The following CEP112 variants were observed in gnomAD, a reference collection of about 807,000 sequenced individuals.
CEP112 encodes the protein centrosomal protein of 112 kDa.
In CEP112, 127 loss-of-function variants were observed where a neutral mutation model predicts 153.0. That is an observed-to-expected ratio of 0.83 (90% CI 0.72 to 0.96). The LOEUF (loss-of-function observed/expected upper bound fraction) is 0.96, where lower values mean the gene tolerates loss of function less well. Ranked by LOEUF, CEP112 falls within the 40% of genes least tolerant of loss-of-function variation. The pLI is 0.00. For missense variants in CEP112, 1,089 were observed against 1,101.2 expected (o/e 0.99, Z 0.16); for synonymous variants, 358 against 374.4 (o/e 0.96, Z 0.51).
rs1287529976 is a variant in CEP112 at position 66,177,017 on chromosome 17, C to T, written c.110G>A (p.Arg37Gln). 10 of 1,594,820 alleles carry T rather than the reference C, an allele frequency of 6.3e-6. No homozygotes were observed. Among genetic ancestry groups the T allele is most frequent in the African/African-American group, 4.1e-5 (3 of 73,748 alleles). Residue 37 changes from arginine (R) to glutamine (Q), a missense_variant, in exon 3 of 27, where the codon CGG (arginine) becomes CAG (glutamine). Physicochemically the swap from Arg to Gln is conservative, Grantham distance 43. Transcript: ENST00000535342. ...TCTAATCCAAAGAGCACACCTCTGC[C>T]GTTCTATAAATACAGAAGAACTATT... is the stretch of plus-strand genomic sequence containing the variant. Reference protein sequence around the residue: ...FVLKLPHRTERQRCALWIRKL... With the variant: ...FVLKLPHRTEQQRCALWIRKL...
chr17:65,638,312 T>C (rs970091989), intron 25 of CEP112, among the ~76,000 whole-genome samples: 3 of 152,240 alleles, frequency 2.0e-5, no homozygotes, highest in African/African-American at 7.2e-5. Flanking sequence ...CCCAAATGGT[T>C]TGGGGCCAAC....
At chr17:66,138,728 A>C (rs895865496) in intron 4 of CEP112, among the ~76,000 whole-genome samples, 3 of 152,172 alleles carry the variant, frequency 2.0e-5, no homozygotes, top group African/African-American at 7.2e-5. Context: ...AATCAAAGCA[A>C]ACCACAGTAA....
intron 23 of CEP112, among the ~76,000 whole-genome samples, chr17:65,730,935 C>T (rs1047140311): frequency 6.6e-6 from 1 of 152,046 alleles, no homozygotes; most frequent in Non-Finnish European, 1.5e-5. Flanking sequence ...AACATTTCTT[C>T]TTGACATGAA....
chr17:65,775,734 C>T (rs1245420120), intron 21 of CEP112, among the ~76,000 whole-genome samples: 1 of 152,078 alleles, frequency 6.6e-6, no homozygotes, highest in Admixed American at 6.5e-5. Flanking sequence ...AACCCCTGAC[C>T]TCAAGTGATT....
intron 21 of CEP112, among the ~76,000 whole-genome samples, chr17:65,796,238 G>A (rs535909307): frequency 6.6e-6 from 1 of 152,090 alleles, no homozygotes; most frequent in Non-Finnish European, 1.5e-5. Flanking sequence ...CAGTTATGTA[G>A]ATATGTTTGT....
chr17:65,837,551 G>A (rs928803310), intron 21 of CEP112, among the ~76,000 whole-genome samples: 49 of 152,280 alleles, frequency 3.2e-4, no homozygotes, highest in Middle Eastern at 3.4e-3. Context: ...GAGAAGTGAG[G>A]AGCCCCTCTG....
At chr17:66,149,761 A>C (rs2071084804) in intron 4 of CEP112, among the ~76,000 whole-genome samples, 1 of 146,390 alleles carries the variant, frequency 6.8e-6, no homozygotes, top group South Asian at 2.2e-4. Context: ...CCCAACTCTT[A>C]GTTTCATTTT....
rs71160535 is a variant in CEP112, at chr17:66,149,888, G to GTTTTTTTTTTTTTTTTTTTTTTTT, written c.471-17126_471-17125insAAAAAAAAAAAAAAAAAAAAAAAA. 9.5e-4 allele frequency among the ~76,000 whole-genome samples: 52 copies of GTTTTTTTTTTTTTTTTTTTTTTTT among 54,720 alleles called. 2 individuals are homozygous for GTTTTTTTTTTTTTTTTTTTTTTTT. Among genetic ancestry groups the GTTTTTTTTTTTTTTTTTTTTTTTT allele is most frequent in the Non-Finnish European group, 1.3e-3 (43 of 32,738 alleles). 35.9% of individuals were successfully genotyped at this position (54,720 alleles called of 152,430 possible). A position where few individuals can be genotyped will look rare whatever the true frequency, so the allele number is the denominator to read the frequency against. Reference sequence around the variant, plus strand: ...TTAGGGTTTTTTTTTTTGTTTGTTTGTTTTTTTTTTTTTTTTTTTTTGAGA... The same window carrying GTTTTTTTTTTTTTTTTTTTTTTTT: ...TTAGGGTTTTTTTTTTTGTTTGTTTGTTTTTTTTTTTTTTTTTTTTTTTTTTTTTTTTTTTTTTTTTTTTTGAGA... On this transcript the variant is annotated intron_variant, in intron 4 of 26. Transcript: ENST00000535342.
intron 21 of CEP112, among the ~76,000 whole-genome samples, chr17:65,844,926 T>A (rs2057669649): frequency 1.3e-5 from 2 of 151,434 alleles, no homozygotes; most frequent in African/African-American, 2.4e-5. Flanking sequence ...AGGAGGGGAA[T>A]CGCTTGAACC....
In CEP112 at chr17:65,776,359, C is replaced by A. The variant is rs143976426; in HGVS notation, c.2395-25635G>T. On this transcript the variant is annotated intron_variant, in intron 21 of 26. Coordinates refer to ENST00000535342, the MANE Select transcript of CEP112 (RefSeq NM_001199165.4). ...ACACCATTCTCCTGCCTCAGCCTCC[C>A]GAGTATCTGGGACTACAGGTGCCTG... Among the ~76,000 whole-genome samples the A allele has an allele frequency of 2.9e-3, 434 of 152,276 alleles. 1 individual carries two copies. Among genetic ancestry groups the A allele is most frequent in the Non-Finnish European group, 5.0e-3 (341 of 68,008 alleles).
At chr17:65,749,871 A>T (rs1376803482) in intron 22 of CEP112, among the ~76,000 whole-genome samples, 3 of 147,390 alleles carry the variant, frequency 2.0e-5, no homozygotes, top group Admixed American at 6.7e-5. Flanking sequence ...TATATATATA[A>T]AAATATGAAG....
chr17:65,975,007 A>G (rs1435850544), intron 17 of CEP112, among the ~76,000 whole-genome samples: 1 of 152,252 alleles, frequency 6.6e-6, no homozygotes, highest in Non-Finnish European at 1.5e-5. Context: ...AATGAACTAC[A>G]AACAGAAACA....
chr17:65,949,830 T>A (rs1043389565), intron 18 of CEP112, among the ~76,000 whole-genome samples: 15 of 152,132 alleles, frequency 9.9e-5, no homozygotes, highest in East Asian at 5.8e-4. Context: ...CTGGATAGGG[T>A]TCTTAAGGTT....
chr17:66,010,369 T>C (rs2064466061), intron 16 of CEP112, among the ~76,000 whole-genome samples: 1 of 152,134 alleles, frequency 6.6e-6, no homozygotes, highest in South Asian at 2.1e-4. Flanking sequence ...TCAAGGAGTT[T>C]GGGGTTTTCT....
chr17:65,641,944 A>G (rs2045159874), intron 24 of CEP112, among the ~76,000 whole-genome samples: 1 of 152,114 alleles, frequency 6.6e-6, no homozygotes, highest in Non-Finnish European at 1.5e-5. Context: ...CCTCCCAAAT[A>G]CTATCGGGCC....
chr17:65,969,685 T>C (rs2062574504), intron 17 of CEP112, among the ~76,000 whole-genome samples: 1 of 152,200 alleles, frequency 6.6e-6, no homozygotes, highest in Non-Finnish European at 1.5e-5. Flanking sequence ...TGCATGTGTA[T>C]TGTATGCATA....
intron 4 of CEP112, among the ~76,000 whole-genome samples, chr17:66,133,015 G>A (rs2070264696): frequency 6.6e-6 from 1 of 151,502 alleles, no homozygotes; most frequent in Non-Finnish European, 1.5e-5. Context: ...CTCCAGCCTG[G>A]GAGACAGTGC....
intron 6 of CEP112, among the ~76,000 whole-genome samples, chr17:66,119,591 T>A (rs1329553112): frequency 6.6e-6 from 1 of 152,204 alleles, no homozygotes; most frequent in Non-Finnish European, 1.5e-5. Context: ...TATTCTATTG[T>A]ATAGATGTAC....
At chr17:65,852,416 CCCTTCCTT>C (rs370176174) in intron 20 of CEP112, among the ~76,000 whole-genome samples, 31 of 20,510 alleles carry the variant, frequency 1.5e-3, no homozygotes, top group African/African-American at 5.8e-3. Flanking sequence ...CTCCCTCCCT[CCCTTCCTT>C]CCTTCCCTCC....
Sources: allele counts gnomAD v4.1 joint callset (sites outside exome capture counted in the v4.1 genomes callset), GRCh38; gene constraint gnomAD v4.1.1; transcripts MANE v1.5; gene names NCBI Gene and HGNC (gene_info 2026-07-23, HGNC 2026-07-21).